RCHY1: variants seen among roughly 807,000 people sequenced by gnomAD.
The protein encoded by RCHY1 is RING finger and CHY zinc finger domain-containing protein 1.
A neutral mutation model predicts 41.6 loss-of-function variants in RCHY1; 21 were observed. That is an observed-to-expected ratio of 0.51 (90% CI 0.36 to 0.73). RCHY1 has a LOEUF of 0.73. RCHY1 is among the 30% of genes least tolerant of loss of function. The pLI, the probability that RCHY1 is intolerant of heterozygous loss-of-function variation, is 0.00. For missense variants in RCHY1, 265 were observed against 325.3 expected (o/e 0.81, Z 1.43); for synonymous variants, 79 against 102.9 (o/e 0.77, Z 1.41).
At chr4:75,494,021 G>T in intron 4 of RCHY1, 80 bp downstream of exon 4, 1 of 801,166 alleles carries the variant, frequency 1.2e-6, no homozygotes, top group Non-Finnish European at 2.0e-6. Context: ...AAATTAGCAT[G>T]CTTCCAAAAC....
At chr4:75,501,242 C>T (rs1723726668) in intron 3 of RCHY1, among the ~76,000 whole-genome samples, 2 of 152,342 alleles carry the variant, frequency 1.3e-5, no homozygotes, top group South Asian at 4.1e-4. Flanking sequence ...CTCCCAACCT[C>T]AGGTGATCTG....
chr4:75,482,884 C>A (rs903879616), intron 8 of RCHY1, among the ~76,000 whole-genome samples: 14 of 148,936 alleles, frequency 9.4e-5, no homozygotes, highest in South Asian at 2.1e-4. Flanking sequence ...CAGATTTGAG[C>A]AAAAAAAAAG....
chr4:75,487,617 T>TC (rs1722228938), intron 8 of RCHY1, among the ~76,000 whole-genome samples: 1 of 23,006 alleles, frequency 4.3e-5, no homozygotes, highest in Non-Finnish European at 7.3e-5. Flanking sequence ...ATATTCATAA[T>TC]ATATATATTC....
At chr4:75,490,902 G>T in intron 7 of RCHY1, 1 of 421,800 alleles carries the variant, frequency 2.4e-6, no homozygotes. Context: ...TTAAAACTAA[G>T]TCTTTTTCCT....
At chr4:75,506,608 GCATAAAGAAAAT>G (rs1299279400) in intron 3 of RCHY1, among the ~76,000 whole-genome samples, 2 of 150,436 alleles carry the variant, frequency 1.3e-5, no homozygotes, top group African/African-American at 4.9e-5. Context: ...TCCAATTTAA[GCATAAAGAAAAT>G]CAAAGTAGGA....
intron 2 of RCHY1, 58 bp downstream of exon 2, chr4:75,509,119 T>C: frequency 4.7e-6 from 7 of 1,504,072 alleles, no homozygotes; most frequent in Non-Finnish European, 6.3e-6. Context: ...GATTAAATTT[T>C]TTCAAACCAC....
chr4:75,493,012 T>G (rs1306413346), intron 4 of RCHY1, among the ~76,000 whole-genome samples: 1 of 151,994 alleles, frequency 6.6e-6, no homozygotes, highest in African/African-American at 2.4e-5. Flanking sequence ...GGAATGTAAA[T>G]GCTGAGGTGA....
chr4:75,514,109 A>G, intron 1 of RCHY1, 88 bp downstream of exon 1: 1 of 1,536,134 alleles, frequency 6.5e-7, no homozygotes, highest in Non-Finnish European at 8.9e-7. Context: ...TTAACCTCAA[A>G]CTTAAATCCA....
At chr4:75,487,361 G>C (rs1182760207) in intron 8 of RCHY1, among the ~76,000 whole-genome samples, 1 of 149,954 alleles carries the variant, frequency 6.7e-6, no homozygotes, top group Admixed American at 6.7e-5. Context: ...TAATTGTTTA[G>C]AAAACTGAGT....
At chr4:75,507,191 GGAAA>G (rs148086677) in intron 3 of RCHY1, among the ~76,000 whole-genome samples, 2,693 of 152,118 alleles carry the variant, frequency 0.018, 74 homozygotes, top group African/African-American at 0.06. Context: ...GAGACCTACA[GGAAA>G]GAAGGGCAAT....
intron 7 of RCHY1, 151 bp downstream of exon 7, chr4:75,491,460 G>A: frequency 1.5e-6 from 1 of 649,056 alleles, no homozygotes; most frequent in Non-Finnish European, 2.6e-6. Context: ...ACTTTGTCCT[G>A]TTTTAACAAT....
chr4:75,504,923 G>C (rs1246603837), intron 3 of RCHY1, among the ~76,000 whole-genome samples: 1 of 152,100 alleles, frequency 6.6e-6, no homozygotes, highest in Non-Finnish European at 1.5e-5. Context: ...AATTTTTCTA[G>C]TATATTCAGG....
At chr4:75,487,757 AAT>A (rs796094134) in intron 8 of RCHY1, among the ~76,000 whole-genome samples, 1,698 of 28,492 alleles carry the variant, frequency 0.06, 153 homozygotes, top group African/African-American at 0.08. Context: ...ATATATTCAT[AAT>A]ATATATATTC....
At chr4:75,495,424 G>C (rs1319413173) in intron 3 of RCHY1, among the ~76,000 whole-genome samples, 2 of 151,798 alleles carry the variant, frequency 1.3e-5, no homozygotes, top group African/African-American at 4.8e-5. Flanking sequence ...ACAATGATAG[G>C]GTATTTAGCT....
rs899391731 is a variant in RCHY1, at chr4:75,481,753, A to G, written c.*785T>C. ...CATATCTGCCACATAGCAGTTGCTC[A>G]ATAAATACTTGCTAAATGAAGGAAT... On this transcript the variant is annotated 3_prime_UTR_variant, in exon 9 of 9. Transcript: ENST00000324439. 6.6e-6 allele frequency: 1 copy of G among 152,208 alleles called. No homozygotes were observed. Among genetic ancestry groups the G allele is most frequent in the African/African-American group, 2.4e-5 (1 of 41,462 alleles). The allele number at this position is 152,208 out of a possible 1,614,324, so 9.4% of individuals were successfully genotyped here. A position where few individuals can be genotyped will look rare whatever the true frequency, so the allele number is the denominator to read the frequency against.
chr4:75,487,826 T>TATATATTCATA (rs1722359128), intron 8 of RCHY1, among the ~76,000 whole-genome samples: 1 of 97,168 alleles, frequency 1.0e-5, no homozygotes. Flanking sequence ...ATATTCATAA[T>TATATATTCATA]ATATATATTC....
intron 8 of RCHY1, among the ~76,000 whole-genome samples, chr4:75,487,801 A>G (rs1398116453): frequency 9.3e-6 from 1 of 107,442 alleles, no homozygotes; most frequent in Non-Finnish European, 1.8e-5. Flanking sequence ...ATATTCATAT[A>G]TATATTCATA....
rs1174020508 is a variant in RCHY1 at position 75,481,285 on chromosome 4, AAAG to A, written c.*1250_*1252del. ...AGTTAAAAGGCTAACTTCCTTATTC[AAAG>A]AAGATTCAAATAGCTCAAAGTTGGA... On this transcript the variant is annotated 3_prime_UTR_variant, in exon 9 of 9. Transcript: ENST00000324439. 1 of 152,234 alleles carries A rather than the reference AAAG, an allele frequency of 6.6e-6. No individual in the cohort carries two copies. The highest frequency in any genetic ancestry group is 1.5e-5 in the Non-Finnish European group (1 of 68,038). 9.4% of individuals were successfully genotyped at this position (152,234 alleles called of 1,614,324 possible). A position where few individuals can be genotyped will look rare whatever the true frequency, so the allele number is the denominator to read the frequency against.
In RCHY1 at chr4:75,480,261, T is replaced by C. The variant is rs1721418202; in HGVS notation, c.*2277A>G. The C allele has an allele frequency of 6.6e-6, 1 of 152,160 alleles. No homozygotes were observed. Among genetic ancestry groups the C allele is most frequent in the Non-Finnish European group, 1.5e-5 (1 of 68,020 alleles). The allele number at this position is 152,160 out of a possible 1,614,324, so 9.4% of individuals were successfully genotyped here. ...TTTTGGACATGTTTGGATCCTAAGT[T>C]AAAGAAACAATCAGATTGTGAAATA... On this transcript the variant is annotated 3_prime_UTR_variant, in exon 9 of 9. Transcript: ENST00000324439.
Sources: gnomAD v4.1 joint callset for allele counts (sites outside exome capture counted in the v4.1 genomes callset) on GRCh38, gnomAD v4.1.1 for gene constraint, MANE v1.5 for transcripts, NCBI Gene and HGNC (gene_info 2026-07-23, HGNC 2026-07-21) for gene names.